PCDH11X: variants seen among roughly 807,000 people sequenced by gnomAD.
PCDH11X encodes protocadherin-11 X-linked.
Under a neutral mutation model 53.3 loss-of-function variants are expected in PCDH11X, and 18 were observed. The observed-to-expected ratio is 0.34, with a 90% CI of 0.23 to 0.50. The LOEUF is 0.50. Ranked by LOEUF, PCDH11X falls within the 20% of genes least tolerant of loss-of-function variation. The probability of loss-of-function intolerance (pLI) is 0.98; values close to 1 mark genes in which losing one functional copy is unlikely to be tolerated. For synonymous variants in PCDH11X, 279 were observed against 393.3 expected (o/e 0.71, Z 3.44); for missense variants, 570 against 1,032.4 (o/e 0.55, Z 6.14).
intron 10 of PCDH11X, among the ~76,000 whole-genome samples, chrX:92,523,459 A>T (rs1261448583): frequency 8.9e-6 from 1 of 112,237 alleles, no homozygotes; most frequent in East Asian, 2.8e-4. Flanking sequence ...AACGTTAGAC[A>T]TCGCTCAGAT....
At chrX:92,248,330 A>T in intron 7 of PCDH11X, among the ~76,000 whole-genome samples, 1 of 112,115 alleles carries the variant, frequency 8.9e-6, no homozygotes, top group East Asian at 2.8e-4. Context: ...TCAAGTCAGT[A>T]TCAGAAAGTT....
Position 92,094,262 on chromosome X carries a change from G to GA in PCDH11X, c.3034-107104dup, listed in dbSNP as rs1163095810. Among the ~76,000 whole-genome samples, 49 of 104,428 alleles carry GA rather than the reference G, an allele frequency of 4.7e-4. 1 individual carries two copies. Among genetic ancestry groups the GA allele is most frequent in the Middle Eastern group, 4.9e-3 (1 of 204 alleles). 90.7% of individuals were successfully genotyped at this position (104,428 alleles called of 115,157 possible). A position where few individuals can be genotyped will look rare whatever the true frequency, so the allele number is the denominator to read the frequency against. On this transcript the variant is annotated intron_variant, in intron 6 of 10. Coordinates refer to ENST00000682573, the MANE Select transcript of PCDH11X (RefSeq NM_032968.5). Reference sequence around the variant, plus strand: ...ATCCCACACACTGGTTTAAATAACTGAAAAAAAAATGGACAACAGCATTTT... The same window carrying GA: ...ATCCCACACACTGGTTTAAATAACTGAAAAAAAAAATGGACAACAGCATTTT...
chrX:92,404,511 TC>T (rs1234900752), intron 9 of PCDH11X, among the ~76,000 whole-genome samples: 1 of 111,423 alleles, frequency 9.0e-6, no homozygotes, highest in African/African-American at 3.3e-5. Flanking sequence ...CACTCTTATC[TC>T]CTCTGATTGC....
At chrX:92,155,616 G>A (rs1454137085) in intron 6 of PCDH11X, among the ~76,000 whole-genome samples, 1 of 80,932 alleles carries the variant, frequency 1.2e-5, no homozygotes, top group East Asian at 3.8e-4. Context: ...TACTTCAATA[G>A]CTTTTTTTTT....
At chrX:92,242,272 A>G (rs1186247963) in intron 7 of PCDH11X, among the ~76,000 whole-genome samples, 2 of 111,230 alleles carry the variant, frequency 1.8e-5, no homozygotes, top group African/African-American at 6.5e-5. Flanking sequence ...TAAGCCAGGC[A>G]TGTTGGTACA....
chrX:92,485,128 C>T (rs1216407293), intron 10 of PCDH11X, among the ~76,000 whole-genome samples: 1 of 110,064 alleles, frequency 9.1e-6, no homozygotes, highest in Non-Finnish European at 1.9e-5. Context: ...ACTATTGTAG[C>T]AAAAATTATA....
chrX:92,275,467 C>G (rs931312156), intron 8 of PCDH11X, among the ~76,000 whole-genome samples: 2 of 111,191 alleles, frequency 1.8e-5, no homozygotes, highest in African/African-American at 3.3e-5. Context: ...TTTGCTGAGC[C>G]TAATGGGTGT....
chrX:92,244,723 T>G (rs1017730049), intron 7 of PCDH11X, among the ~76,000 whole-genome samples: 5 of 111,491 alleles, frequency 4.5e-5, no homozygotes, highest in African/African-American at 1.6e-4. Flanking sequence ...GTTGGAGTAA[T>G]TAAGTAACTT....
At chrX:92,274,337 G>T (rs2068030517) in intron 8 of PCDH11X, among the ~76,000 whole-genome samples, 1 of 108,715 alleles carries the variant, frequency 9.2e-6, no homozygotes, top group Admixed American at 9.7e-5. Context: ...GGATATAATG[G>T]TTTCACTGAA....
intron 10 of PCDH11X, among the ~76,000 whole-genome samples, chrX:92,481,388 A>G (rs1439637585): frequency 1.8e-5 from 2 of 111,234 alleles, no homozygotes; most frequent in African/African-American, 3.3e-5. Flanking sequence ...GCAAGGCAAT[A>G]TGGGGAAGGG....
chrX:91,872,897 CATGTGTTAGTTATTCTTTATTCCTGA>C, intron 5 of PCDH11X, among the ~76,000 whole-genome samples: 1 of 106,663 alleles, frequency 9.4e-6, no homozygotes, highest in African/African-American at 3.4e-5. Flanking sequence ...ATGTTGGATT[CATGTGTTAGTTATTCTTTATTCCTGA>C]AGGAGATTGA....
intron 6 of PCDH11X, among the ~76,000 whole-genome samples, chrX:91,974,118 A>C (rs1431277117): frequency 2.7e-5 from 3 of 111,638 alleles, no homozygotes; most frequent in Non-Finnish European, 5.6e-5. Flanking sequence ...TTAAAATGTA[A>C]ATGGATGACT....
intron 6 of PCDH11X, among the ~76,000 whole-genome samples, chrX:92,130,045 A>G (rs1406139440): frequency 3.6e-5 from 4 of 111,887 alleles, no homozygotes; most frequent in Non-Finnish European, 5.6e-5. Flanking sequence ...AAATCCCTAT[A>G]TATGTATGTT....
chrX:92,562,470 G>T (rs1427588478), intron 10 of PCDH11X, among the ~76,000 whole-genome samples: 4 of 103,338 alleles, frequency 3.9e-5, no homozygotes, highest in Non-Finnish European at 7.8e-5. Context: ...TAACTCAAAA[G>T]TTCAAAGTCC....
chrX:92,006,365 C>G (rs1185806512), intron 6 of PCDH11X, among the ~76,000 whole-genome samples: 3 of 105,444 alleles, frequency 2.8e-5, no homozygotes, highest in Non-Finnish European at 5.8e-5. Flanking sequence ...ATTCTTTCTT[C>G]TGCTTGATCA....
chrX:92,121,862 A>C (rs2148179736), intron 6 of PCDH11X, among the ~76,000 whole-genome samples: 1 of 109,708 alleles, frequency 9.1e-6, no homozygotes, highest in Non-Finnish European at 1.9e-5. Context: ...AGTAGCTGGG[A>C]CTATAGGCGT....
chrX:92,107,263 C>G (rs1004612620), intron 6 of PCDH11X, among the ~76,000 whole-genome samples: 1 of 111,861 alleles, frequency 8.9e-6, no homozygotes, highest in Non-Finnish European at 1.9e-5. Context: ...CCCTGACCAC[C>G]CTGGGCATAT....
chrX:92,261,864 T>C (rs1228974242), intron 7 of PCDH11X, among the ~76,000 whole-genome samples: 1 of 111,581 alleles, frequency 9.0e-6, no homozygotes, highest in African/African-American at 3.3e-5. Flanking sequence ...AAGAGATTAC[T>C]CAAGGCATTA....
intron 6 of PCDH11X, among the ~76,000 whole-genome samples, chrX:92,000,403 A>C (rs2062490113): frequency 9.0e-6 from 1 of 110,542 alleles, no homozygotes; most frequent in Non-Finnish European, 1.9e-5. Flanking sequence ...ATTTAAAGTT[A>C]TACCTAAGTA....
Sources: allele counts gnomAD v4.1 joint callset (sites outside exome capture counted in the v4.1 genomes callset), GRCh38; gene constraint gnomAD v4.1.1; transcripts MANE v1.5; gene names NCBI Gene and HGNC (gene_info 2026-07-23, HGNC 2026-07-21).